Variants in JARID2 observed in about 807,000 individuals in gnomAD.
JARID2 encodes protein Jumonji.
A neutral mutation model predicts 125.6 loss-of-function variants in JARID2; 21 were observed. That is an observed-to-expected ratio of 0.17 (90% CI 0.12 to 0.24). JARID2 has a LOEUF of 0.24. JARID2 is among the 10% of genes least tolerant of loss of function. JARID2 has a pLI of 1.00. For synonymous variants in JARID2, 736 were observed against 661.6 expected (o/e 1.11, Z -1.73); for missense variants, 1,303 against 1,639.6 (o/e 0.79, Z 3.55).
At position 15,296,979 on chromosome 6, in the gene JARID2, A is replaced by ACAAACTGT. The variant is rs1761439132; in HGVS notation, c.45+50395_45+50396insCAAACTGT. On this transcript the variant is annotated intron_variant, in intron 1 of 17. Coordinates refer to ENST00000341776, the MANE Select transcript of JARID2 (RefSeq NM_004973.4). ...ACATCCTGTGACTGTCTCCATCCTC[A>ACAAACTGT]GAGTGTCCCCTCCTAGTTTGAGTAA... is the stretch of plus-strand genomic sequence containing the variant. 3.9e-5 allele frequency among the ~76,000 whole-genome samples: 6 copies of ACAAACTGT among 152,266 alleles called. No individual in the cohort carries two copies. In the South Asian group the frequency reaches 1.2e-3, roughly 32 times the overall value.
intron 12 of JARID2, chr6:15,509,054 G>T: frequency 7.8e-7 from 1 of 1,289,320 alleles, no homozygotes; most frequent in Non-Finnish European, 1.0e-6. Flanking sequence ...GTGGAGACAC[G>T]CGCGTTATGT....
chr6:15,414,040 A>G (rs943639802), intron 3 of JARID2, among the ~76,000 whole-genome samples: 1 of 152,196 alleles, frequency 6.6e-6, no homozygotes, highest in Non-Finnish European at 1.5e-5. Context: ...TTGTAGATTT[A>G]ATTACTCCTA....
chr6:15,508,757 T>TA (rs1184883860), intron 12 of JARID2, among the ~76,000 whole-genome samples: 25 of 152,258 alleles, frequency 1.6e-4, no homozygotes, highest in African/African-American at 5.3e-4. Context: ...ATTACCTACT[T>TA]ACGTCTGTTT....
chr6:15,409,778 A>G (rs780583286), intron 2 of JARID2, among the ~76,000 whole-genome samples: 2 of 152,202 alleles, frequency 1.3e-5, no homozygotes, highest in African/African-American at 2.4e-5. Context: ...CTGCAAAGAT[A>G]AGGATGCCTT....
intron 3 of JARID2, among the ~76,000 whole-genome samples, chr6:15,440,563 T>G: frequency 6.6e-6 from 1 of 152,238 alleles, no homozygotes; most frequent in East Asian, 1.9e-4. Flanking sequence ...CTGGGTATTG[T>G]TAGAAAGGAA....
At chr6:15,451,856 G>A in intron 3 of JARID2, 150 bp from the exon 4 acceptor site, 2 of 748,244 alleles carry the variant, frequency 2.7e-6, no homozygotes, top group Admixed American at 3.0e-5. Context: ...TGGTTTATGA[G>A]AGTGTGAGAG....
At chr6:15,399,505 G>A (rs1346363109) in intron 2 of JARID2, among the ~76,000 whole-genome samples, 3 of 152,122 alleles carry the variant, frequency 2.0e-5, no homozygotes, top group Non-Finnish European at 4.4e-5. Context: ...GTGTGTGTGT[G>A]TGTTTATGTA....
At chr6:15,482,851 TA>T (rs1289439675) in intron 5 of JARID2, among the ~76,000 whole-genome samples, 12 of 152,358 alleles carry the variant, frequency 7.9e-5, no homozygotes, top group South Asian at 6.2e-4. Context: ...AATGGACCTT[TA>T]ACCCATGCAC....
intron 2 of JARID2, among the ~76,000 whole-genome samples, chr6:15,407,276 C>T (rs1391619459): frequency 6.6e-6 from 1 of 151,872 alleles, no homozygotes; most frequent in Non-Finnish European, 1.5e-5. Flanking sequence ...ACCCCCACCC[C>T]CCAAAAAACA....
At chr6:15,294,505 G>T (rs528273672) in intron 1 of JARID2, among the ~76,000 whole-genome samples, 1 of 152,340 alleles carries the variant, frequency 6.6e-6, no homozygotes, top group African/African-American at 2.4e-5. Context: ...AGGATGAGAA[G>T]AAATTAGGTA....
intron 8 of JARID2, 25 bp downstream of exon 8, chr6:15,501,434 C>T (rs767345701): frequency 2.0e-6 from 3 of 1,514,540 alleles, no homozygotes; most frequent in Middle Eastern, 1.8e-4. Context: ...AGAGCAGCCA[C>T]TCCCAGCTGC....
intron 1 of JARID2, among the ~76,000 whole-genome samples, chr6:15,263,831 G>T (rs571740154): frequency 6.6e-6 from 1 of 152,170 alleles, no homozygotes; most frequent in Non-Finnish European, 1.5e-5. Flanking sequence ...GACCTCAGGT[G>T]ATCTGCCTGC....
intron 12 of JARID2, chr6:15,508,924 T>G: frequency 7.8e-7 from 1 of 1,281,394 alleles, no homozygotes; most frequent in South Asian, 1.2e-5. Context: ...CTCTAGTAAC[T>G]GAATATAAAC....
intron 5 of JARID2, among the ~76,000 whole-genome samples, chr6:15,475,944 C>T (rs1487001102): frequency 6.6e-6 from 1 of 152,162 alleles, no homozygotes; most frequent in Non-Finnish European, 1.5e-5. Flanking sequence ...CAAGCAACTG[C>T]TCAGAATTGT....
chr6:15,299,352 T>G (rs945975509), intron 1 of JARID2, among the ~76,000 whole-genome samples: 7 of 152,100 alleles, frequency 4.6e-5, no homozygotes, highest in South Asian at 2.1e-4. Context: ...AACAGAGGTG[T>G]GTTTGGTAGA....
intron 1 of JARID2, among the ~76,000 whole-genome samples, chr6:15,353,618 C>G (rs1197552265): frequency 2.0e-5 from 3 of 152,120 alleles, no homozygotes; most frequent in Non-Finnish European, 4.4e-5. Context: ...GAGCCTGTCA[C>G]ATTAGAATGA....
intron 3 of JARID2, among the ~76,000 whole-genome samples, chr6:15,448,867 G>A (rs1319562703): frequency 6.6e-6 from 1 of 152,016 alleles, no homozygotes; most frequent in African/African-American, 2.4e-5. Flanking sequence ...AACCTCTGCA[G>A]TTTGATGGAA....
At position 15,351,274 on chromosome 6, in the gene JARID2, G is replaced by A. The variant is rs560182274; in HGVS notation, c.46-22843G>A. Among the ~76,000 whole-genome samples, 15 of 152,302 alleles carry A rather than the reference G, an allele frequency of 9.8e-5. No individual in the cohort carries two copies. In the South Asian group the frequency reaches 2.9e-3, roughly 29 times the overall value. ...AGGGTCTGGTAAAAACTTCTCTGAG[G>A]TAAAGAGATGCTGAAAGGTGAATAT... On this transcript the variant is annotated intron_variant, in intron 1 of 17. Transcript: ENST00000341776.
intron 6 of JARID2, among the ~76,000 whole-genome samples, chr6:15,490,455 T>C (rs375236305): frequency 6.6e-6 from 1 of 152,136 alleles, no homozygotes; most frequent in African/African-American, 2.4e-5. Flanking sequence ...CATTTGATAG[T>C]GTGTGCGATT....
Sources: gnomAD v4.1 joint callset for allele counts (sites outside exome capture counted in the v4.1 genomes callset) on GRCh38, gnomAD v4.1.1 for gene constraint, MANE v1.5 for transcripts, NCBI Gene and HGNC (gene_info 2026-07-23, HGNC 2026-07-21) for gene names.